Variants in SYCP2L observed in about 807,000 individuals in gnomAD.
SYCP2L encodes synaptonemal complex protein 2-like.
SYCP2L carries 98 observed loss-of-function variants against 125.8 expected under a neutral mutation model. The ratio of observed to expected loss-of-function variants is 0.78; its 90% CI spans 0.66 to 0.92. The LOEUF is 0.92. SYCP2L is among the 40% of genes least tolerant of loss of function. The pLI, the probability that SYCP2L is intolerant of heterozygous loss-of-function variation, is 0.00. For missense variants in SYCP2L, 842 were observed against 936.4 expected (o/e 0.90, Z 1.32); for synonymous variants, 317 against 325.4 (o/e 0.97, Z 0.28).
At chr6:10,973,352 G>T (rs909522739) in intron 29 of SYCP2L, among the ~76,000 whole-genome samples, 4 of 152,150 alleles carry the variant, frequency 2.6e-5, no homozygotes, top group Non-Finnish European at 5.9e-5. Flanking sequence ...GGCCAATGTG[G>T]CGAAACCCCG....
intron 4 of SYCP2L, among the ~76,000 whole-genome samples, chr6:10,896,690 G>A (rs1780264734): frequency 6.6e-6 from 1 of 152,174 alleles, no homozygotes; most frequent in Non-Finnish European, 1.5e-5. Flanking sequence ...AGATAGTAAT[G>A]GCTTTCAAAC....
intron 29 of SYCP2L, among the ~76,000 whole-genome samples, chr6:10,970,990 G>A (rs1392670408): frequency 6.6e-6 from 1 of 152,140 alleles, no homozygotes; most frequent in African/African-American, 2.4e-5. Flanking sequence ...GGAGATAACT[G>A]GGCTGGGGGA....
In SYCP2L at chr6:10,956,231, A is replaced by C. The variant is rs748169389; in HGVS notation, c.2152A>C (p.Arg718=). The change falls in exon 25 of 30, where the codon AGA becomes CGA. Residue 718 remains arginine, a synonymous_variant. Coordinates refer to ENST00000283141, the MANE Select transcript of SYCP2L (RefSeq NM_001040274.3). The part of the protein sequence containing the change: ...TFENFTKKRK[R]KYELRYRKRP... ...TGAAAACTTCACTAAAAAACGGAAA[A>C]GAAAATATGAGGTAGTAGTCCACAA... 1.2e-6 allele frequency: 2 copies of C among 1,612,202 alleles called. No individual in the cohort carries two copies. The highest frequency in any genetic ancestry group is 2.2e-5 in the South Asian group (2 of 91,022).
intron 14 of SYCP2L, chr6:10,922,570 A>C (rs1780817502): frequency 6.7e-6 from 1 of 150,306 alleles, no homozygotes; most frequent in Non-Finnish European, 1.5e-5. Flanking sequence ...GGTTCACGCC[A>C]TTCTTCTGCC....
At chr6:10,963,404 G>A (rs1781624332) in intron 28 of SYCP2L, 1 of 239,266 alleles carries the variant, frequency 4.2e-6, no homozygotes, top group East Asian at 1.1e-4. Context: ...GGTATCCCTT[G>A]TCTGTCCTTA....
chr6:10,922,426 A>G (rs1234614420), intron 14 of SYCP2L, among the ~76,000 whole-genome samples: 1 of 148,488 alleles, frequency 6.7e-6, no homozygotes, highest in Non-Finnish European at 1.5e-5. Flanking sequence ...TGACCCTTGT[A>G]TATGTTTGCA....
intron 4 of SYCP2L, among the ~76,000 whole-genome samples, chr6:10,897,254 C>T (rs1007199256): frequency 2.0e-5 from 3 of 152,040 alleles, no homozygotes; most frequent in Admixed American, 2.0e-4. Flanking sequence ...AGCTTTTTAA[C>T]GAAAGAAAGA....
intron 14 of SYCP2L, among the ~76,000 whole-genome samples, chr6:10,916,967 G>T (rs1189709260): frequency 6.6e-6 from 1 of 152,178 alleles, no homozygotes; most frequent in East Asian, 1.9e-4. Flanking sequence ...ACTCCAGCCT[G>T]GGTGACAGAG....
chr6:10,926,193 A>C, intron 15 of SYCP2L, 146 bp from the exon 16 acceptor site: 1 of 608,266 alleles, frequency 1.6e-6, no homozygotes, highest in Non-Finnish European at 2.9e-6. Context: ...AAACAGTGGA[A>C]TGATCCTTCA....
At chr6:10,933,211 A>AT (rs1013566381) in intron 20 of SYCP2L, among the ~76,000 whole-genome samples, 12 of 152,126 alleles carry the variant, frequency 7.9e-5, no homozygotes, top group Admixed American at 1.3e-4. Context: ...AGGTCAGCAC[A>AT]TTTTTTCTGT....
chr6:10,926,415 G>A lies in SYCP2L; in HGVS notation c.1295G>A (p.Gly432Asp), dbSNP rs1561689864. ...AAAGAAGACAGGGAGAGTCCCAGTG[G>A]CCTTGAAAGAGAAACAGGTATATTG... is the stretch of plus-strand genomic sequence containing the variant. Reference protein sequence around the residue: ...SDKEDRESPSGLERETEQAEE... With the variant: ...SDKEDRESPSDLERETEQAEE... The change falls in exon 16 of 30, where the codon GGC becomes GAC. Residue 432 changes from glycine to aspartate, a missense_variant. By Grantham distance (94) the Gly-to-Asp change is moderately conservative (BLOSUM62 -1). Coordinates refer to ENST00000283141, the MANE Select transcript of SYCP2L (RefSeq NM_001040274.3). 6.2e-7 allele frequency: 1 copy of A among 1,612,988 alleles called. No homozygotes were observed.
chr6:10,937,561 A>G (rs78229707), intron 21 of SYCP2L, among the ~76,000 whole-genome samples: 7,917 of 152,258 alleles, frequency 0.052, 222 homozygotes, highest in African/African-American at 0.066. Flanking sequence ...CTTAACGAAG[A>G]AAATAACAAA....
At chr6:10,900,964 A>G (rs1561681151) in intron 6 of SYCP2L, among the ~76,000 whole-genome samples, 1 of 152,180 alleles carries the variant, frequency 6.6e-6, no homozygotes, top group Non-Finnish European at 1.5e-5. Context: ...CTCTCTCCGA[A>G]GTAGAAAGAT....
At chr6:10,903,625 C>T (rs993216962) in intron 8 of SYCP2L, among the ~76,000 whole-genome samples, 1 of 152,018 alleles carries the variant, frequency 6.6e-6, no homozygotes, top group Non-Finnish European at 1.5e-5. Flanking sequence ...GTGGCACACA[C>T]CTATAGTCCC....
intron 14 of SYCP2L, among the ~76,000 whole-genome samples, chr6:10,921,791 C>T (rs1037272794): frequency 3.3e-5 from 5 of 151,866 alleles, no homozygotes; most frequent in East Asian, 3.9e-4. Context: ...CTGCAAGCTC[C>T]GCCTCCTGGG....
intron 14 of SYCP2L, among the ~76,000 whole-genome samples, chr6:10,923,517 C>G (rs1309550082): frequency 6.7e-6 from 1 of 149,590 alleles, no homozygotes; most frequent in Non-Finnish European, 1.5e-5. Context: ...TCCTGAGTAG[C>G]TGGGATTACA....
At chr6:10,916,891 C>T (rs974610095) in intron 14 of SYCP2L, among the ~76,000 whole-genome samples, 1 of 152,176 alleles carries the variant, frequency 6.6e-6, no homozygotes, top group African/African-American at 2.4e-5. Context: ...ACTTGGGAGG[C>T]TGAGGCAGGA....
At chr6:10,949,834 A>G (rs991536462) in intron 23 of SYCP2L, among the ~76,000 whole-genome samples, 5 of 151,274 alleles carry the variant, frequency 3.3e-5, no homozygotes, top group African/African-American at 4.9e-5. Context: ...TGATCTGACA[A>G]TCTCTTTTAA....
In SYCP2L at chr6:10,892,801, A is replaced by G. The variant is rs534993050; in HGVS notation, c.79-1066A>G. ...AGCTCACTATGTGTTAACTTAAAAA[A>G]GAAAACATTCTGTTTAAATGGAATA... is the stretch of plus-strand genomic sequence containing the variant. On this transcript the variant is annotated intron_variant, in intron 2 of 29. Transcript: ENST00000283141. Among the ~76,000 whole-genome samples the G allele has an allele frequency of 2.0e-5, 3 of 152,368 alleles. No individual in the cohort carries two copies. In the East Asian group the frequency reaches 5.8e-4, roughly 29 times the overall value.
Sources: gnomAD v4.1 joint callset for allele counts (sites outside exome capture counted in the v4.1 genomes callset) on GRCh38, gnomAD v4.1.1 for gene constraint, MANE v1.5 for transcripts, NCBI Gene and HGNC (gene_info 2026-07-23, HGNC 2026-07-21) for gene names.